Variants in GUCY1A2 observed in about 807,000 individuals in gnomAD.
GUCY1A2 encodes the protein guanylate cyclase 1 soluble subunit alpha 2, also known as guanylate cyclase soluble subunit alpha-2.
GUCY1A2 carries 27 observed loss-of-function variants against 63.5 expected under a neutral mutation model. The ratio of observed to expected loss-of-function variants is 0.43; its 90% CI spans 0.31 to 0.59. GUCY1A2 has a LOEUF of 0.59. Ranked by LOEUF, GUCY1A2 falls within the 20% of genes least tolerant of loss-of-function variation. GUCY1A2 has a pLI of 0.11. For synonymous variants in GUCY1A2, 364 were observed against 343.5 expected (o/e 1.06, Z -0.66); for missense variants, 768 against 913.3 (o/e 0.84, Z 2.05).
At chr11:106,719,085 C>A (rs1176120401) in intron 6 of GUCY1A2, among the ~76,000 whole-genome samples, 1 of 151,996 alleles carries the variant, frequency 6.6e-6, no homozygotes, top group Non-Finnish European at 1.5e-5. Flanking sequence ...TGTATAATTG[C>A]CCAGATTGAA....
At chr11:106,779,378 C>A (rs1864419174) in intron 5 of GUCY1A2, among the ~76,000 whole-genome samples, 1 of 152,136 alleles carries the variant, frequency 6.6e-6, no homozygotes, top group East Asian at 1.9e-4. Context: ...GCCTATTTAC[C>A]ATTTTACCCC....
intron 6 of GUCY1A2, among the ~76,000 whole-genome samples, chr11:106,726,273 A>G (rs1863406362): frequency 6.6e-6 from 1 of 151,896 alleles, no homozygotes; most frequent in African/African-American, 2.4e-5. Context: ...AAAATTAGCC[A>G]GTCATGGTGG....
intron 6 of GUCY1A2, among the ~76,000 whole-genome samples, chr11:106,720,571 G>A (rs1274207548): frequency 6.6e-6 from 1 of 151,744 alleles, no homozygotes; most frequent in Non-Finnish European, 1.5e-5. Flanking sequence ...GATAATGTAT[G>A]TTTATACAAA....
At position 106,685,848 on chromosome 11, in the gene GUCY1A2, T is replaced by A. The variant is rs1862517977; in HGVS notation, c.*1701A>T. On this transcript the variant is annotated 3_prime_UTR_variant, in exon 8 of 8. Coordinates refer to ENST00000526355, the MANE Select transcript of GUCY1A2 (RefSeq NM_000855.3). The stretch of plus-strand genomic sequence containing the variant: ...TAAACCCCCAGGGCAAGAAAATAAC[T>A]CAAATTATAAAAGGGATCAGGATTA... 1.3e-5 allele frequency: 3 copies of A among 226,302 alleles called. No individual in the cohort carries two copies. The highest frequency in any genetic ancestry group is 2.2e-5 in the African/African-American group (1 of 44,912). The allele number at this position is 226,302 out of a possible 1,614,324, so 14.0% of individuals were successfully genotyped here. A position where few individuals can be genotyped will look rare whatever the true frequency, so the allele number is the denominator to read the frequency against.
intron 6 of GUCY1A2, among the ~76,000 whole-genome samples, chr11:106,709,794 A>C (rs1863051311): frequency 7.3e-6 from 1 of 137,158 alleles, no homozygotes; most frequent in Non-Finnish European, 1.5e-5. Context: ...GTTATATATT[A>C]TATACACGTA....
chr11:106,995,334 GAGA>G (rs58159020), intron 1 of GUCY1A2, among the ~76,000 whole-genome samples: 23,096 of 152,084 alleles, frequency 0.15, 2,041 homozygotes, highest in South Asian at 0.26. Context: ...ATGAAACCCA[GAGA>G]AGTTTAAAAA....
intron 3 of GUCY1A2, among the ~76,000 whole-genome samples, chr11:106,957,544 T>TC (rs1448795573): frequency 6.6e-6 from 1 of 151,520 alleles, no homozygotes; most frequent in Non-Finnish European, 1.5e-5. Context: ...GGCTTCCCCT[T>TC]CCCCGTGTGG....
At chr11:106,709,375 AT>A in intron 6 of GUCY1A2, among the ~76,000 whole-genome samples, 1 of 91,672 alleles carries the variant, frequency 1.1e-5, no homozygotes, top group African/African-American at 4.5e-5. Flanking sequence ...TATATAAATT[AT>A]ATATATTATA....
rs1427987532 is a variant in GUCY1A2, at chr11:106,724,013, CT to C, written c.1837-15348del. 2.6e-5 allele frequency among the ~76,000 whole-genome samples: 4 copies of C among 152,216 alleles called. No individual in the cohort carries two copies. The East Asian group carries it at 7.7e-4, about 29-fold the overall frequency. On this transcript the variant is annotated intron_variant, in intron 6 of 7. Transcript: ENST00000526355. ...TGACAGAAACTTGCTTAAGGTATTC[CT>C]CCATTCCCGTTCAGTTTACTTTTTC...
At chr11:106,726,153 G>A (rs144458884) in intron 6 of GUCY1A2, among the ~76,000 whole-genome samples, 5 of 152,252 alleles carry the variant, frequency 3.3e-5, no homozygotes, top group East Asian at 1.9e-4. Context: ...GGTGGTTCAC[G>A]CCTGTAATCC....
At position 106,925,204 on chromosome 11, in the gene GUCY1A2, AAGAG is replaced by A. The variant is rs371916963; in HGVS notation, c.1206+14252_1206+14255del. 5.9e-3 allele frequency among the ~76,000 whole-genome samples: 903 copies of A among 151,996 alleles called. 5 individuals carry two copies. The highest frequency in any genetic ancestry group is 0.021 in the African/African-American group (863 of 41,498). ...GAAAGAAAGACAGAGAGAGAGGAGA[AAGAG>A]AGAGAGAGATTTCAACCAGAAACTG... On this transcript the variant is annotated intron_variant, in intron 4 of 7. Coordinates refer to ENST00000526355, the MANE Select transcript of GUCY1A2 (RefSeq NM_000855.3).
At chr11:106,715,269 ACT>A (rs1440720721) in intron 6 of GUCY1A2, among the ~76,000 whole-genome samples, 2 of 152,094 alleles carry the variant, frequency 1.3e-5, no homozygotes, top group African/African-American at 2.4e-5. Context: ...GCAAGCCAAA[ACT>A]CTCTTTTAGC....
At chr11:106,942,233 A>C (rs1158725666) in intron 3 of GUCY1A2, among the ~76,000 whole-genome samples, 4 of 152,150 alleles carry the variant, frequency 2.6e-5, no homozygotes, top group African/African-American at 9.7e-5. Context: ...TGACACTATT[A>C]ATCATCCCTT....
intron 1 of GUCY1A2, among the ~76,000 whole-genome samples, chr11:106,995,955 A>C (rs768117250): frequency 3.8e-4 from 58 of 150,820 alleles, no homozygotes; most frequent in Admixed American, 6.7e-4. Flanking sequence ...AGTACTTGGG[A>C]GTTTCAGTGG....
intron 4 of GUCY1A2, among the ~76,000 whole-genome samples, chr11:106,890,396 T>G (rs1233177150): frequency 1.3e-5 from 2 of 152,186 alleles, no homozygotes; most frequent in African/African-American, 2.4e-5. Flanking sequence ...TCCTTGATGT[T>G]CTGCTGATAC....
At chr11:106,896,997 A>G (rs1009689275) in intron 4 of GUCY1A2, among the ~76,000 whole-genome samples, 3 of 152,226 alleles carry the variant, frequency 2.0e-5, no homozygotes, top group African/African-American at 7.2e-5. Context: ...AAATGATTAT[A>G]GCAAAATTTC....
intron 6 of GUCY1A2, among the ~76,000 whole-genome samples, chr11:106,739,975 C>G (rs1417935264): frequency 6.6e-6 from 1 of 150,826 alleles, no homozygotes; most frequent in Admixed American, 6.6e-5. Flanking sequence ...GTACCACTAC[C>G]TTTACACCTC....
intron 4 of GUCY1A2, among the ~76,000 whole-genome samples, chr11:106,837,095 G>A (rs1859127102): frequency 4.0e-5 from 6 of 151,548 alleles, no homozygotes. Context: ...CGTCACCCAG[G>A]TACTAAGCAA....
intron 3 of GUCY1A2, among the ~76,000 whole-genome samples, chr11:106,951,045 T>C (rs901010221): frequency 2.6e-5 from 4 of 152,180 alleles, no homozygotes; most frequent in Non-Finnish European, 5.9e-5. Flanking sequence ...TCCAGCTTCA[T>C]CCATGTCCCT....
Sources: gnomAD v4.1 joint callset for allele counts (sites outside exome capture counted in the v4.1 genomes callset) on GRCh38, gnomAD v4.1.1 for gene constraint, MANE v1.5 for transcripts, NCBI Gene and HGNC (gene_info 2026-07-23, HGNC 2026-07-21) for gene names.